The following SNTG1 variants were observed in gnomAD, a reference collection of about 807,000 sequenced individuals.
SNTG1 encodes syntrophin gamma 1, also known as gamma-1-syntrophin.
Under a neutral mutation model 74.7 loss-of-function variants are expected in SNTG1, and 39 were observed. The ratio of observed to expected loss-of-function variants is 0.52; its 90% CI spans 0.40 to 0.68. The LOEUF (loss-of-function observed/expected upper bound fraction) is 0.68. SNTG1 is among the 30% of genes least tolerant of loss of function. The probability of loss-of-function intolerance (pLI) is 0.00; values close to 1 mark genes in which losing one functional copy is unlikely to be tolerated. For missense variants in SNTG1, 685 were observed against 609.5 expected, an observed-to-expected ratio of 1.12 and a Z score of -1.30; for synonymous variants, 254 against 217.1, an observed-to-expected ratio of 1.17 and a Z score of -1.49.
At chr8:50,728,777 C>A (rs542935981) in intron 17 of SNTG1, among the ~76,000 whole-genome samples, 1 of 152,242 alleles carries the variant, frequency 6.6e-6, no homozygotes, top group Non-Finnish European at 1.5e-5. Flanking sequence ...GCTTTTTCCT[C>A]GGACCCCTTT....
intron 1 of SNTG1, among the ~76,000 whole-genome samples, chr8:49,977,562 A>G (rs1812306081): frequency 6.6e-6 from 1 of 152,226 alleles, no homozygotes. Context: ...AGGAAAACAG[A>G]GCAGCAAACA....
At chr8:50,336,545 C>T (rs1444758948) in intron 2 of SNTG1, among the ~76,000 whole-genome samples, 4 of 152,074 alleles carry the variant, frequency 2.6e-5, no homozygotes, top group Admixed American at 2.0e-4. Flanking sequence ...TATTTACATG[C>T]TGCATATCAA....
At chr8:50,731,299 G>C (rs1314120182) in intron 17 of SNTG1, among the ~76,000 whole-genome samples, 1 of 152,042 alleles carries the variant, frequency 6.6e-6, no homozygotes, top group East Asian at 1.9e-4. Flanking sequence ...GAATCCCCTT[G>C]ATCTCATTCG....
chr8:50,104,465 A>G (rs980517542), intron 1 of SNTG1, among the ~76,000 whole-genome samples: 20 of 151,898 alleles, frequency 1.3e-4, no homozygotes, highest in African/African-American at 4.8e-4. Context: ...CTTCTTTATT[A>G]GTCTTGCTAG....
At chr8:50,402,189 G>GTTT in intron 3 of SNTG1, 21 bp from the exon 4 acceptor site, 1 of 1,185,102 alleles carries the variant, frequency 8.4e-7, no homozygotes, top group Admixed American at 2.5e-5. Context: ...TCCTCTGTTT[G>GTTT]TTTTTTTTTT....
chr8:50,286,504 A>G (rs1374628826), intron 2 of SNTG1: 1 of 152,192 alleles, frequency 6.6e-6, no homozygotes. Context: ...ACATAATGAT[A>G]GTAACCACAT....
intron 12 of SNTG1, among the ~76,000 whole-genome samples, chr8:50,586,001 G>A (rs1217956229): frequency 6.6e-6 from 1 of 152,120 alleles, no homozygotes; most frequent in Non-Finnish European, 1.5e-5. Context: ...CCACTTATGA[G>A]AAAGCATCAA....
chr8:50,102,536 T>A (rs2080178848), intron 1 of SNTG1, among the ~76,000 whole-genome samples: 2 of 145,156 alleles, frequency 1.4e-5, no homozygotes, highest in Non-Finnish European at 3.0e-5. Flanking sequence ...GGTAGTTTCT[T>A]TTGCTGTGCA....
At chr8:50,165,657 T>C (rs1471406210) in intron 1 of SNTG1, among the ~76,000 whole-genome samples, 1 of 152,216 alleles carries the variant, frequency 6.6e-6, no homozygotes, top group African/African-American at 2.4e-5. Context: ...CCATTTTTAT[T>C]TTCCTTCTTC....
chr8:50,665,308 G>A (rs917583219), intron 15 of SNTG1, among the ~76,000 whole-genome samples: 8 of 152,136 alleles, frequency 5.3e-5, no homozygotes, highest in South Asian at 2.1e-4. Flanking sequence ...TGTTAGAGAT[G>A]AAAGTCATAA....
chr8:50,704,000 T>C (rs994343427), intron 15 of SNTG1, among the ~76,000 whole-genome samples: 3 of 152,216 alleles, frequency 2.0e-5, no homozygotes, highest in African/African-American at 7.2e-5. Flanking sequence ...GGAATATATG[T>C]AAATTTGTGA....
chr8:50,723,626 A>T (rs1177867238), intron 17 of SNTG1, among the ~76,000 whole-genome samples: 4 of 152,172 alleles, frequency 2.6e-5, no homozygotes, highest in Non-Finnish European at 1.5e-5. Context: ...ATTCTGTTTT[A>T]ATATGTTTAT....
At chr8:50,582,739 G>T (rs1244087133) in intron 12 of SNTG1, among the ~76,000 whole-genome samples, 1 of 151,986 alleles carries the variant, frequency 6.6e-6, no homozygotes, top group Admixed American at 6.6e-5. Flanking sequence ...ACCTAGGCTT[G>T]GTTTTGAATA....
At chr8:50,345,779 T>C (rs1425265398) in intron 2 of SNTG1, among the ~76,000 whole-genome samples, 1 of 152,226 alleles carries the variant, frequency 6.6e-6, no homozygotes, top group Non-Finnish European at 1.5e-5. Flanking sequence ...TCTATAAAAG[T>C]CTAAAATTCA....
chr8:50,086,998 T>G (rs374996481), intron 1 of SNTG1, among the ~76,000 whole-genome samples: 4 of 152,134 alleles, frequency 2.6e-5, no homozygotes, highest in African/African-American at 7.2e-5. Flanking sequence ...TAAGGCAAGG[T>G]CATTGTTCTT....
At chr8:50,690,841 A>G (rs1468464164) in intron 15 of SNTG1, among the ~76,000 whole-genome samples, 2 of 151,990 alleles carry the variant, frequency 1.3e-5, no homozygotes, top group Non-Finnish European at 2.9e-5. Context: ...TAATGTTGAC[A>G]GTGGGGTGTT....
At chr8:50,367,682 A>G (rs1288373585) in intron 2 of SNTG1, among the ~76,000 whole-genome samples, 7 of 152,154 alleles carry the variant, frequency 4.6e-5, no homozygotes, top group Non-Finnish European at 1.0e-4. Context: ...GTATCAGGAT[A>G]TAATATCTAG....
chr8:50,072,956 C>T (rs148916458), intron 1 of SNTG1, among the ~76,000 whole-genome samples: 1 of 152,084 alleles, frequency 6.6e-6, no homozygotes, highest in Non-Finnish European at 1.5e-5. Context: ...TGAGTTATAA[C>T]ATTTATACCA....
At chr8:49,916,002 A>G (rs1328314723) in intron 1 of SNTG1, among the ~76,000 whole-genome samples, 3 of 152,138 alleles carry the variant, frequency 2.0e-5, no homozygotes, top group African/African-American at 7.2e-5. Flanking sequence ...ATTTATCAAC[A>G]TTTGGTCTGT....
Sources: gnomAD v4.1 joint callset for allele counts (sites outside exome capture counted in the v4.1 genomes callset) on GRCh38, gnomAD v4.1.1 for gene constraint, MANE v1.5 for transcripts, NCBI Gene and HGNC (gene_info 2026-07-23, HGNC 2026-07-21) for gene names.